The following KHDRBS2 variants were observed in gnomAD, a reference collection of about 807,000 sequenced individuals.
The protein encoded by KHDRBS2 is KH RNA binding domain containing, signal transduction associated 2.
KHDRBS2 carries 26 observed loss-of-function variants against 44.3 expected under a neutral mutation model. That is an observed-to-expected ratio of 0.59 (90% CI 0.43 to 0.81). The LOEUF is 0.81. Ranked by LOEUF, KHDRBS2 falls within the 40% of genes least tolerant of loss-of-function variation. The pLI is 0.00. For synonymous variants in KHDRBS2, 194 were observed against 151.1 expected (o/e 1.28, Z -2.08); for missense variants, 476 against 433.1 (o/e 1.10, Z -0.88).
chr6:61,599,565 T>C, the KHDRBS2 span, among the ~76,000 whole-genome samples: 1 of 152,214 alleles, frequency 6.6e-6, no homozygotes, highest in East Asian at 1.9e-4. Flanking sequence ...GCACATATGG[T>C]GTCTTCAGTA....
At chr6:62,115,495 T>G (rs1178639127) in intron 2 of KHDRBS2, among the ~76,000 whole-genome samples, 2 of 152,204 alleles carry the variant, frequency 1.3e-5, no homozygotes, top group Non-Finnish European at 2.9e-5. Flanking sequence ...GCCAAGCTCT[T>G]AATCACCTTG....
At chr6:61,716,453 AC>A (rs1239946876) in intron 7 of KHDRBS2, among the ~76,000 whole-genome samples, 5 of 152,024 alleles carry the variant, frequency 3.3e-5, no homozygotes, top group Non-Finnish European at 7.4e-5. Flanking sequence ...GTTCTATACT[AC>A]TAGGTTTTGG....
chr6:61,957,737 C>T (rs138159811), intron 4 of KHDRBS2, among the ~76,000 whole-genome samples: 6,738 of 152,202 alleles, frequency 0.044, 527 homozygotes, highest in African/African-American at 0.15. Flanking sequence ...TGTGATCTCA[C>T]CCTGCCTCCA....
At chr6:62,055,445 G>C (rs1165534147) in intron 2 of KHDRBS2, among the ~76,000 whole-genome samples, 1 of 152,152 alleles carries the variant, frequency 6.6e-6, no homozygotes, top group East Asian at 1.9e-4. Flanking sequence ...GCATTGGCCA[G>C]AGTGTGGAGA....
intron 7 of KHDRBS2, among the ~76,000 whole-genome samples, chr6:61,720,076 A>G (rs6910624): frequency 0.36 from 54,733 of 151,766 alleles, 10,548 homozygotes; most frequent in East Asian, 0.49. Context: ...ATGATTTCCA[A>G]TTTCATCCAT....
intron 2 of KHDRBS2, among the ~76,000 whole-genome samples, chr6:62,076,896 T>G (rs1796447392): frequency 6.6e-6 from 1 of 151,816 alleles, no homozygotes. Flanking sequence ...AATTTAAAAA[T>G]TAGCCAGGTG....
intron 1 of KHDRBS2, among the ~76,000 whole-genome samples, chr6:62,183,616 G>T (rs546787340): frequency 6.6e-6 from 1 of 151,578 alleles, no homozygotes; most frequent in South Asian, 2.1e-4. Flanking sequence ...TTTAATTATC[G>T]AGAAGACTTC....
intron 6 of KHDRBS2, among the ~76,000 whole-genome samples, chr6:61,839,885 A>G (rs1259167919): frequency 6.6e-6 from 1 of 152,110 alleles, no homozygotes; most frequent in Non-Finnish European, 1.5e-5. Context: ...TCTTCTTTTC[A>G]GTTCATGACT....
In KHDRBS2 at chr6:62,065,013, C is replaced by CA. The variant is rs1361544284; in HGVS notation, c.220-17020dup. Reference sequence around the variant, plus strand: ...TCTCAAAAGAAGACATTTATGCAGCCAAAAAAACACATGAAAAAATGCTCG... The same window carrying CA: ...TCTCAAAAGAAGACATTTATGCAGCCAAAAAAAACACATGAAAAAATGCTCG... On this transcript the variant is annotated intron_variant, in intron 2 of 8. Transcript: ENST00000281156. 1.5e-4 allele frequency among the ~76,000 whole-genome samples: 23 copies of CA among 151,908 alleles called. No individual in the cohort carries two copies. In the East Asian group the frequency reaches 3.9e-3, roughly 26 times the overall value.
the KHDRBS2 span, among the ~76,000 whole-genome samples, chr6:61,628,643 AAGTTCCATCTCTGCTGTGTGTCTTTTTAC>A: frequency 6.6e-6 from 1 of 152,066 alleles, no homozygotes; most frequent in African/African-American, 2.4e-5. Flanking sequence ...CCTTTGTACT[AAGTTCCATCTCTGCTGTGTGTCTTTTTAC>A]AGTTCTCCAT....
At chr6:61,678,648 C>A (rs890691126), downstream of KHDRBS2, among the ~76,000 whole-genome samples, 9 of 151,884 alleles carry the variant, frequency 5.9e-5, no homozygotes, top group African/African-American at 2.2e-4. Flanking sequence ...TACTAATTCA[C>A]AATTCACTTG....
intron 4 of KHDRBS2, among the ~76,000 whole-genome samples, chr6:61,916,061 G>C (rs1394139014): frequency 6.6e-6 from 1 of 151,962 alleles, no homozygotes; most frequent in African/African-American, 2.4e-5. Flanking sequence ...TTTTCCAAGA[G>C]ATTTGATTTC....
At chr6:61,847,287 T>C (rs1415614415) in intron 6 of KHDRBS2, among the ~76,000 whole-genome samples, 1 of 152,158 alleles carries the variant, frequency 6.6e-6, no homozygotes, top group Non-Finnish European at 1.5e-5. Flanking sequence ...TATTTGTAAA[T>C]ACTTTATCCA....
Position 61,732,757 on chromosome 6 carries a change from T to A in KHDRBS2, c.818A>T (p.Asp273Val). The A allele has an allele frequency of 6.3e-7, 1 of 1,599,918 alleles. No individual in the cohort carries two copies. Among genetic ancestry groups the A allele is most frequent in the Non-Finnish European group, 8.6e-7 (1 of 1,167,254 alleles). ...AHEAYEEYGY[D>V]DGYGGEYDDQ... ...ATCATATTCACCCCCGTAGCCATCA[T>A]CATAACCCTGAGACAAAAAAATGGT... Residue 273 changes from aspartate (D) to valine (V), a missense_variant, in exon 7 of 9, where the codon GAT (aspartate) becomes GTT (valine). Coordinates refer to ENST00000281156, the MANE Select transcript of KHDRBS2 (RefSeq NM_152688.4).
At chr6:61,950,577 T>C (rs1435298374) in intron 4 of KHDRBS2, among the ~76,000 whole-genome samples, 6 of 152,054 alleles carry the variant, frequency 3.9e-5, no homozygotes. Context: ...CATGTAATTC[T>C]CTTATCTTGA....
At chr6:61,610,976 A>T in the KHDRBS2 span, among the ~76,000 whole-genome samples, 1 of 152,188 alleles carries the variant, frequency 6.6e-6, no homozygotes, top group Admixed American at 6.5e-5. Context: ...CCCCTATGAT[A>T]TCTTTCTGAT....
the KHDRBS2 span, among the ~76,000 whole-genome samples, chr6:61,576,466 G>C: frequency 6.6e-5 from 10 of 152,094 alleles, no homozygotes; most frequent in Non-Finnish European, 1.3e-4. Context: ...TAGGAGCCTT[G>C]TGGAGGAGTC....
At chr6:61,596,733 A>C in the KHDRBS2 span, among the ~76,000 whole-genome samples, 1,734 of 152,158 alleles carry the variant, frequency 0.011, 29 homozygotes, top group African/African-American at 0.039. Context: ...CTCACTGCAA[A>C]TTCTACCTCC....
the KHDRBS2 span, among the ~76,000 whole-genome samples, chr6:61,565,122 A>C: frequency 9.2e-5 from 14 of 152,174 alleles, no homozygotes; most frequent in African/African-American, 3.4e-4. Flanking sequence ...CAAATTCAGA[A>C]GAATGAAACT....
Sources: gnomAD v4.1 joint callset for allele counts (sites outside exome capture counted in the v4.1 genomes callset) on GRCh38, gnomAD v4.1.1 for gene constraint, MANE v1.5 for transcripts, NCBI Gene and HGNC (gene_info 2026-07-23, HGNC 2026-07-21) for gene names.